DLG2: variants seen among roughly 807,000 people sequenced by gnomAD.
The protein encoded by DLG2 is discs large MAGUK scaffold protein 2.
DLG2 carries 45 observed loss-of-function variants against 132.5 expected under a neutral mutation model. That is an observed-to-expected ratio of 0.34 (90% CI 0.27 to 0.44). The LOEUF is 0.44. DLG2 is among the 20% of genes least tolerant of loss of function. The probability of loss-of-function intolerance (pLI) is 1.00; values close to 1 mark genes in which losing one functional copy is unlikely to be tolerated. For synonymous variants in DLG2, 424 were observed against 419.6 expected, an observed-to-expected ratio of 1.01 and a Z score of -0.13; for missense variants, 1,045 against 1,196.9, an observed-to-expected ratio of 0.87 and a Z score of 1.87.
At chr11:84,468,808 T>G (rs995229807) in intron 7 of DLG2, among the ~76,000 whole-genome samples, 1 of 151,684 alleles carries the variant, frequency 6.6e-6, no homozygotes, top group Non-Finnish European at 1.5e-5. Flanking sequence ...GTTTCTCCTT[T>G]GTTATTCCAT....
intron 14 of DLG2, among the ~76,000 whole-genome samples, chr11:83,938,475 G>A (rs1389314404): frequency 6.6e-6 from 1 of 152,182 alleles, no homozygotes; most frequent in Non-Finnish European, 1.5e-5. Context: ...GTTCCATTTA[G>A]GGAGTTTGTT....
chr11:84,160,744 C>G (rs538921550), intron 9 of DLG2, among the ~76,000 whole-genome samples: 3 of 152,176 alleles, frequency 2.0e-5, no homozygotes, highest in African/African-American at 7.2e-5. Context: ...CAATGGATAA[C>G]TGGTAATGGA....
rs149912306 is a variant in DLG2 at position 83,817,517 on chromosome 11, C to G, written c.1722+16097G>C. Among the ~76,000 whole-genome samples the G allele has an allele frequency of 3.9e-5, 6 of 152,178 alleles. No homozygotes were observed. In the East Asian group the frequency reaches 5.8e-4, roughly 15 times the overall value. On this transcript the variant is annotated intron_variant, in intron 17 of 27. Coordinates refer to ENST00000376104, the MANE Select transcript of DLG2 (RefSeq NM_001142699.3). Reference sequence around the variant, plus strand: ...ATGGTTAAGTTATAACCAATGGACTCTGAAAAAAGTATGAATGTATGCCTT... The same window carrying G: ...ATGGTTAAGTTATAACCAATGGACTGTGAAAAAAGTATGAATGTATGCCTT...
rs528577452 is a variant in DLG2 at position 84,451,632 on chromosome 11, T to A, written c.519+82938A>T. Among the ~76,000 whole-genome samples the A allele has an allele frequency of 8.4e-4, 127 of 151,972 alleles. 1 individual carries two copies. The highest frequency in any genetic ancestry group is 2.9e-3 in the African/African-American group (120 of 41,516). ...TTTATTCAACAAATCCTAATTTGAA[T>A]GTTACGATGCACCAACCTGTTTATA... is the stretch of plus-strand genomic sequence containing the variant. On this transcript the variant is annotated intron_variant, in intron 7 of 27. Transcript: ENST00000376104.
chr11:84,573,765 A>G (rs2099491599), intron 6 of DLG2, among the ~76,000 whole-genome samples: 1 of 152,198 alleles, frequency 6.6e-6, no homozygotes, highest in Non-Finnish European at 1.5e-5. Flanking sequence ...CCATGACTCT[A>G]GGTGTTATTA....
chr11:84,359,787 A>G (rs2154419471), intron 7 of DLG2, among the ~76,000 whole-genome samples: 1 of 151,986 alleles, frequency 6.6e-6, no homozygotes, highest in African/African-American at 2.4e-5. Flanking sequence ...CACTAAGATA[A>G]TAGATCATCC....
At chr11:85,173,582 T>A (rs2079022921) in intron 4 of DLG2, among the ~76,000 whole-genome samples, 1 of 152,132 alleles carries the variant, frequency 6.6e-6, no homozygotes, top group South Asian at 2.1e-4. Context: ...GTCTGCTAAG[T>A]AACCAGCTAG....
chr11:85,447,083 C>G (rs2092044354), intron 3 of DLG2, among the ~76,000 whole-genome samples: 1 of 152,028 alleles, frequency 6.6e-6, no homozygotes, highest in Admixed American at 6.6e-5. Context: ...AAATTAAAGA[C>G]CAACTGTACA....
chr11:84,859,335 G>T (rs1436635637), intron 6 of DLG2, among the ~76,000 whole-genome samples: 1 of 137,706 alleles, frequency 7.3e-6, no homozygotes, highest in African/African-American at 2.6e-5. Flanking sequence ...ACATATATAG[G>T]TATATATGTA....
At chr11:85,454,751 C>G (rs1353181382) in intron 3 of DLG2, among the ~76,000 whole-genome samples, 1 of 152,244 alleles carries the variant, frequency 6.6e-6, no homozygotes, top group Non-Finnish European at 1.5e-5. Context: ...CTGAATATTG[C>G]TAGCCAGTTA....
In DLG2 at chr11:85,144,741, T is replaced by C. The variant is rs557121961; in HGVS notation, c.282+9815A>G. On this transcript the variant is annotated intron_variant, in intron 5 of 27. Transcript: ENST00000376104. ...TCTACACTTTATCCTCCATGTTCTT[T>C]GACTTTTAGTTGTTTCTATATATTT... 2.0e-5 allele frequency among the ~76,000 whole-genome samples: 3 copies of C among 152,152 alleles called. No individual in the cohort carries two copies. The East Asian group carries it at 5.8e-4, about 29-fold the overall frequency.
chr11:85,302,610 T>C (rs1477599302), intron 3 of DLG2, among the ~76,000 whole-genome samples: 1 of 144,258 alleles, frequency 6.9e-6, no homozygotes, highest in Non-Finnish European at 1.5e-5. Context: ...CAGGTGGTGA[T>C]AGGCTAATCC....
chr11:84,366,838 C>A (rs1247865613), intron 7 of DLG2, among the ~76,000 whole-genome samples: 3 of 152,128 alleles, frequency 2.0e-5, no homozygotes, highest in African/African-American at 7.2e-5. Context: ...TACAAAGAGA[C>A]TTAGACTCCC....
At chr11:84,127,670 A>G (rs1462919004) in intron 9 of DLG2, among the ~76,000 whole-genome samples, 1 of 152,100 alleles carries the variant, frequency 6.6e-6, no homozygotes, top group Non-Finnish European at 1.5e-5. Flanking sequence ...CTGGGCTCAA[A>G]CTATCTTCCT....
At chr11:84,828,861 T>C (rs2078665553) in intron 6 of DLG2, among the ~76,000 whole-genome samples, 1 of 151,746 alleles carries the variant, frequency 6.6e-6, no homozygotes, top group African/African-American at 2.4e-5. Context: ...CTTAGAGCAC[T>C]GAAAGAAATG....
At chr11:84,515,328 G>A (rs1177014223) in intron 7 of DLG2, among the ~76,000 whole-genome samples, 7 of 147,022 alleles carry the variant, frequency 4.8e-5, no homozygotes, top group Non-Finnish European at 9.0e-5. Context: ...CCAAATATAT[G>A]CAGCCTACGA....
intron 6 of DLG2, among the ~76,000 whole-genome samples, chr11:84,744,344 G>A (rs1177016009): frequency 6.6e-5 from 10 of 152,146 alleles, no homozygotes; most frequent in Admixed American, 6.5e-4. Context: ...AAGTGCAGGT[G>A]GGGCTATAAA....
Position 84,121,541 on chromosome 11 carries a change from A to ATTTTTTT in DLG2, c.625-22501_625-22495dup, listed in dbSNP as rs869183421. 6.4e-4 allele frequency among the ~76,000 whole-genome samples: 43 copies of ATTTTTTT among 66,686 alleles called. 7 individuals carry two copies. Among genetic ancestry groups the ATTTTTTT allele is most frequent in the South Asian group, 2.8e-3 (4 of 1,452 alleles). The allele number at this position is 66,686 out of a possible 152,430, so 43.7% of individuals were successfully genotyped here. ...TTACTCTCACTTATATTCCTTGCTA[A>ATTTTTTT]TTTTTTTTTTTTTTTTTTTTTTTTT... On this transcript the variant is annotated intron_variant, in intron 9 of 27. Coordinates refer to ENST00000376104, the MANE Select transcript of DLG2 (RefSeq NM_001142699.3).
chr11:84,992,334 A>G (rs2154125944), intron 6 of DLG2, among the ~76,000 whole-genome samples: 1 of 152,236 alleles, frequency 6.6e-6, no homozygotes, highest in Middle Eastern at 3.4e-3. Context: ...CCATGAACCA[A>G]CCCTTATTGA....
Sources: allele counts gnomAD v4.1 joint callset (sites outside exome capture counted in the v4.1 genomes callset), GRCh38; gene constraint gnomAD v4.1.1; transcripts MANE v1.5; gene names NCBI Gene and HGNC (gene_info 2026-07-23, HGNC 2026-07-21).